PSD3: variants seen among roughly 807,000 people sequenced by gnomAD.
The protein encoded by PSD3 is pleckstrin and Sec7 domain containing 3.
A neutral mutation model predicts 105.5 loss-of-function variants in PSD3; 49 were observed. The observed-to-expected ratio is 0.46, with a 90% CI of 0.37 to 0.59. The LOEUF (loss-of-function observed/expected upper bound fraction) is 0.59. Ranked by LOEUF, PSD3 falls within the 20% of genes least tolerant of loss-of-function variation. PSD3 has a pLI of 0.00. For synonymous variants in PSD3, 557 were observed against 457.8 expected (o/e 1.22, Z -2.77); for missense variants, 1,561 against 1,263.8 (o/e 1.24, Z -3.57).
Position 18,884,314 on chromosome 8 carries a change from T to A in PSD3, c.131-11581A>T, listed in dbSNP as rs796739051. Among the ~76,000 whole-genome samples the A allele has an allele frequency of 8.5e-5, 13 of 152,280 alleles. 1 individual carries two copies. The highest frequency in any genetic ancestry group is 3.1e-4 in the African/African-American group (13 of 41,568). On this transcript the variant is annotated intron_variant, in intron 2 of 15. Coordinates refer to ENST00000327040, the MANE Select transcript of PSD3 (RefSeq NM_015310.4). Reference sequence around the variant, plus strand: ...TCAATAAACTTCACCAGCAACACAGTGATACATGACTCAAATTTGCAATGC... The same window carrying A: ...TCAATAAACTTCACCAGCAACACAGAGATACATGACTCAAATTTGCAATGC...
chr8:18,781,518 G>T (rs1808622652), intron 8 of PSD3, among the ~76,000 whole-genome samples: 1 of 152,168 alleles, frequency 6.6e-6, no homozygotes, highest in African/African-American at 2.4e-5. Flanking sequence ...GGGTAGGGTT[G>T]TATAGACTTT....
At chr8:18,806,696 T>A (rs1247901723) in intron 4 of PSD3, among the ~76,000 whole-genome samples, 2 of 152,214 alleles carry the variant, frequency 1.3e-5, no homozygotes, top group East Asian at 3.8e-4. Context: ...CTAAGAGCCA[T>A]GCCAGCTGGG....
At chr8:18,636,083 T>C (rs894149820) in intron 10 of PSD3, among the ~76,000 whole-genome samples, 22 of 152,172 alleles carry the variant, frequency 1.4e-4, no homozygotes, top group Non-Finnish European at 2.6e-4. Context: ...TTTGTTATCA[T>C]AGGAGATGAC....
chr8:18,880,907 A>G (rs976541741), intron 2 of PSD3, among the ~76,000 whole-genome samples: 2 of 152,236 alleles, frequency 1.3e-5, no homozygotes, highest in Non-Finnish European at 2.9e-5. Context: ...GTGAATTAAT[A>G]AAGAGTTCAT....
At chr8:18,655,814 T>A in intron 9 of PSD3, 129 bp from the exon 10 acceptor site, 3 of 807,650 alleles carry the variant, frequency 3.7e-6, no homozygotes, top group Non-Finnish European at 4.0e-6. Flanking sequence ...CACCTTGCTT[T>A]TAGAAAGGTG....
At chr8:18,682,750 C>A (rs1273330189) in intron 9 of PSD3, among the ~76,000 whole-genome samples, 1 of 151,946 alleles carries the variant, frequency 6.6e-6, no homozygotes, top group African/African-American at 2.4e-5. Flanking sequence ...ATGCCAAAGT[C>A]TTTCAATAAT....
intron 11 of PSD3, among the ~76,000 whole-genome samples, chr8:18,602,213 C>T (rs1052346889): frequency 6.6e-6 from 1 of 152,110 alleles, no homozygotes; most frequent in Non-Finnish European, 1.5e-5. Context: ...TACACATCTA[C>T]GTTTCTACTT....
chr8:18,790,295 TTTTTC>T lies in PSD3; in HGVS notation c.2082+8995_2082+8999del, dbSNP rs1407440967. ...CATTTTTAGATCATAACATTTTTCTTTTTTCTTTTCTTTTTTTTTTTTTTTTGAGA... is the reference window on the plus strand; with the variant it reads ...CATTTTTAGATCATAACATTTTTCTTTTTTCTTTTTTTTTTTTTTTTGAGA... On this transcript the variant is annotated intron_variant, in intron 8 of 15. Coordinates refer to ENST00000327040, the MANE Select transcript of PSD3 (RefSeq NM_015310.4). 4.3e-3 allele frequency among the ~76,000 whole-genome samples: 648 copies of T among 151,734 alleles called. 9 individuals carry two copies. The highest frequency in any genetic ancestry group is 0.015 in the African/African-American group (615 of 41,296).
chr8:18,551,679 T>C (rs1800777197), intron 15 of PSD3, among the ~76,000 whole-genome samples: 1 of 152,288 alleles, frequency 6.6e-6, no homozygotes, highest in East Asian at 1.9e-4. Context: ...CAGGAGTGGG[T>C]ATTCAGCTGA....
intron 9 of PSD3, among the ~76,000 whole-genome samples, chr8:18,701,591 G>C (rs1563182683): frequency 6.6e-6 from 1 of 152,152 alleles, no homozygotes; most frequent in East Asian, 1.9e-4. Flanking sequence ...TCATTTAAGT[G>C]AAGTCTTCCA....
At chr8:18,704,009 C>A (rs1168953986) in intron 9 of PSD3, among the ~76,000 whole-genome samples, 1 of 152,096 alleles carries the variant, frequency 6.6e-6, no homozygotes, top group East Asian at 1.9e-4. Context: ...AACTTCCTGG[C>A]AGATAAGATC....
chr8:18,538,305 T>G (rs1486998273), intron 15 of PSD3, among the ~76,000 whole-genome samples: 1 of 152,204 alleles, frequency 6.6e-6, no homozygotes, highest in Non-Finnish European at 1.5e-5. Context: ...AAGCATTATC[T>G]CAGAAGGCCA....
intron 15 of PSD3, among the ~76,000 whole-genome samples, chr8:18,545,447 G>C (rs1011389561): frequency 6.6e-6 from 1 of 151,806 alleles, no homozygotes; most frequent in African/African-American, 2.4e-5. Flanking sequence ...TTGATTAATG[G>C]GATTACCGAG....
chr8:18,548,699 T>TA (rs1331995409), intron 15 of PSD3, among the ~76,000 whole-genome samples: 1 of 152,216 alleles, frequency 6.6e-6, no homozygotes, highest in Non-Finnish European at 1.5e-5. Context: ...TCAGTGACTG[T>TA]ATGACAGGTA....
chr8:18,816,399 C>T (rs1352365639), intron 4 of PSD3, among the ~76,000 whole-genome samples: 7 of 152,176 alleles, frequency 4.6e-5, no homozygotes, highest in East Asian at 1.9e-4. Flanking sequence ...TCAGCAATGG[C>T]GGCTGCAGTT....
chr8:18,662,723 G>T (rs762201684), intron 9 of PSD3, among the ~76,000 whole-genome samples: 2 of 152,156 alleles, frequency 1.3e-5, no homozygotes, highest in Non-Finnish European at 2.9e-5. Flanking sequence ...CTATCACCCA[G>T]CCAAACTCCC....
chr8:19,083,708 A>AG (rs1829715505), intron 1 of PSD3, among the ~76,000 whole-genome samples: 1 of 152,186 alleles, frequency 6.6e-6, no homozygotes, highest in South Asian at 2.1e-4. Context: ...CCCATTCTGG[A>AG]GAACAAGCTT....
intron 9 of PSD3, among the ~76,000 whole-genome samples, chr8:18,718,536 T>C (rs973666131): frequency 2.6e-5 from 4 of 152,324 alleles, no homozygotes; most frequent in Middle Eastern, 3.4e-3. Flanking sequence ...ACTGATGCAT[T>C]TTTAAAACTT....
At chr8:18,722,496 G>A (rs377107420) in intron 9 of PSD3, among the ~76,000 whole-genome samples, 25 of 152,178 alleles carry the variant, frequency 1.6e-4, no homozygotes, top group African/African-American at 5.1e-4. Context: ...TGAGTAATAC[G>A]TAATCCACAC....
Sources: allele counts gnomAD v4.1 joint callset (sites outside exome capture counted in the v4.1 genomes callset), GRCh38; gene constraint gnomAD v4.1.1; transcripts MANE v1.5; gene names NCBI Gene and HGNC (gene_info 2026-07-23, HGNC 2026-07-21).